Variants in MYO5B observed in about 807,000 individuals in gnomAD.
MYO5B encodes myosin VB, also known as unconventional myosin-Vb.
Under a neutral mutation model 229.3 loss-of-function variants are expected in MYO5B, and 143 were observed. That is an observed-to-expected ratio of 0.62 (90% CI 0.54 to 0.72). The LOEUF (loss-of-function observed/expected upper bound fraction) is 0.72. Among genes scored for constraint, MYO5B ranks in the 30% least tolerant of loss-of-function variants. The pLI is 0.00. For missense variants in MYO5B, 2,321 were observed against 2,331.0 expected, an observed-to-expected ratio of 1.00 and a Z score of 0.09; for synonymous variants, 918 against 885.2, an observed-to-expected ratio of 1.04 and a Z score of -0.66.
In MYO5B at chr18:50,105,244, TAAATAAAA is replaced by T. The variant is rs780865161; in HGVS notation, c.28-49874_28-49867del. Among the ~76,000 whole-genome samples, 1,062 of 129,564 alleles carry T rather than the reference TAAATAAAA, an allele frequency of 8.2e-3. 8 individuals carry two copies. Among genetic ancestry groups the T allele is most frequent in the African/African-American group, 0.026 (904 of 34,386 alleles). The allele number at this position is 129,564 out of a possible 152,430, so 85.0% of individuals were successfully genotyped here. Reference sequence around the variant, plus strand: ...ATAAATAAATAAATAAATAAATAAATAAATAAAAAATAGATAAAATAGCTGCTGATGCT... The same window carrying T: ...ATAAATAAATAAATAAATAAATAAATAATAGATAAAATAGCTGCTGATGCT... On this transcript the variant is annotated intron_variant, in intron 1 of 39. Coordinates refer to ENST00000285039, the MANE Select transcript of MYO5B (RefSeq NM_001080467.3).
chr18:50,093,584 T>C (rs925219913), intron 1 of MYO5B, among the ~76,000 whole-genome samples: 1 of 151,978 alleles, frequency 6.6e-6, no homozygotes, highest in Non-Finnish European at 1.5e-5. Flanking sequence ...CCCAGGAAGT[T>C]AGGCATCCAA....
In MYO5B at chr18:49,856,889, T is replaced by C. The variant is rs1357540161; in HGVS notation, c.3946A>G (p.Lys1316Glu). Reference sequence around the variant, plus strand: ...TTTAAATATCCCCAATCCTCAGTCTTGCTAGAAACAAAGGACAGAAAAACA... The same window carrying C: ...TTTAAATATCCCCAATCCTCAGTCTCGCTAGAAACAAAGGACAGAAAAACA... ...AYHGVCQTNS[K>E]TEDWGYLNED... is the part of the protein sequence containing the mutation. Residue 1316 changes from lysine (K) to glutamate (E), a missense_variant and splice_region_variant, in exon 30 of 40, where the codon AAG becomes GAG. This residue lies in a region of MYO5B where 2,113 missense variants were observed against 2,044.7 expected (regional missense o/e 1.03). Transcript: ENST00000285039. 1.9e-6 allele frequency: 3 copies of C among 1,613,810 alleles called. No individual in the cohort carries two copies. Among genetic ancestry groups the C allele is most frequent in the Admixed American group, 1.7e-5 (1 of 60,032 alleles).
chr18:49,953,279 T>G lies in MYO5B; in HGVS notation c.1733A>C (p.Asn578Thr), dbSNP rs778745198. The stretch of plus-strand genomic sequence containing the variant: ...CTTTACCTTGCTGGCCTTCAGGATA[T>G]TGATCTGCTCTTCATACACCGTGTC... ...NRDTVYEEQI[N>T]ILKASKFPLV... Residue 578 changes from asparagine to threonine, a missense_variant, in exon 14 of 40, where the codon AAT becomes ACT. Coordinates refer to ENST00000285039, the MANE Select transcript of MYO5B (RefSeq NM_001080467.3). 9 of 1,614,080 alleles carry G rather than the reference T, an allele frequency of 5.6e-6. No individual in the cohort carries two copies. The African/African-American group carries it at 1.1e-4, about 19-fold the overall frequency.
At chr18:50,012,225 A>G (rs573907474) in intron 4 of MYO5B, among the ~76,000 whole-genome samples, 1 of 152,340 alleles carries the variant, frequency 6.6e-6, no homozygotes, top group East Asian at 1.9e-4. Flanking sequence ...AAGCACTGCT[A>G]CAGACTCAGC....
intron 22 of MYO5B, among the ~76,000 whole-genome samples, chr18:49,894,052 G>T (rs1373633884): frequency 1.3e-5 from 2 of 152,182 alleles, no homozygotes; most frequent in East Asian, 3.9e-4. Flanking sequence ...TTCTGCACAT[G>T]CTTGGGAATG....
chr18:49,864,234 G>A lies in MYO5B; in HGVS notation c.3750C>T (p.Ala1250=), dbSNP rs2024367920. 1 of 1,614,080 alleles carries A rather than the reference G, an allele frequency of 6.2e-7. No homozygotes were observed. Among genetic ancestry groups the A allele is most frequent in the Non-Finnish European group, 8.5e-7 (1 of 1,180,054 alleles). ...YSLLLNQLKL[A]HEELEVRKEE... is the part of the protein sequence containing the mutation. ...CCTTGCGCACCTCGAGCTCCTCGTG[G>A]GCCAGCTTGAGCTGGTTCAGCAGGA... The change falls in exon 28 of 40, where the codon GCC becomes GCT. Residue 1250 remains alanine (A), a synonymous_variant. Transcript: ENST00000285039.
rs949724432 is a variant in MYO5B at position 49,825,864 on chromosome 18, T to G, written c.*607A>C. The G allele has an allele frequency of 2.6e-5, 4 of 154,160 alleles. No homozygotes were observed. The highest frequency in any genetic ancestry group is 9.7e-5 in the African/African-American group (4 of 41,450). 9.5% of individuals were successfully genotyped at this position (154,160 alleles called of 1,614,324 possible). A position where few individuals can be genotyped will look rare whatever the true frequency, so the allele number is the denominator to read the frequency against. ...TTGCTTCAGAAACCAGTACTCAAAA[T>G]GTCTGGTCTGGAGGTCAGTTACACC... On this transcript the variant is annotated 3_prime_UTR_variant, in exon 40 of 40. Transcript: ENST00000285039.
At chr18:49,993,696 C>A (rs1235069819) in intron 5 of MYO5B, among the ~76,000 whole-genome samples, 1 of 152,104 alleles carries the variant, frequency 6.6e-6, no homozygotes, top group Admixed American at 6.5e-5. Flanking sequence ...ATAGCCTTAG[C>A]CTGCAACATT....
intron 1 of MYO5B, among the ~76,000 whole-genome samples, chr18:50,103,849 C>T (rs901434978): frequency 1.3e-5 from 2 of 151,990 alleles, no homozygotes; most frequent in African/African-American, 2.4e-5. Context: ...AATAATTTGC[C>T]GTCAAGCACA....
chr18:49,934,672 G>A (rs1367826533), intron 16 of MYO5B, among the ~76,000 whole-genome samples: 2 of 152,164 alleles, frequency 1.3e-5, no homozygotes, highest in African/African-American at 2.4e-5. Flanking sequence ...GGAGTCAGCT[G>A]GTAAACAGAA....
intron 1 of MYO5B, among the ~76,000 whole-genome samples, chr18:50,118,310 C>T (rs1009564201): frequency 2.8e-4 from 43 of 152,292 alleles, no homozygotes; most frequent in African/African-American, 1.0e-3. Context: ...TTAGATAGGA[C>T]CGCATGTGTC....
chr18:50,160,200 C>T (rs1292496985), intron 1 of MYO5B, among the ~76,000 whole-genome samples: 2 of 152,238 alleles, frequency 1.3e-5, no homozygotes, highest in African/African-American at 2.4e-5. Context: ...ATGACCCTAA[C>T]GTAGGGTCAG....
intron 1 of MYO5B, among the ~76,000 whole-genome samples, chr18:50,129,590 T>C (rs190169479): frequency 2.1e-3 from 324 of 152,328 alleles, no homozygotes; most frequent in Middle Eastern, 3.4e-3. Context: ...CTTTCTGTAG[T>C]AACTTCTTTA....
chr18:50,007,486 T>G (rs1045378269), intron 4 of MYO5B, among the ~76,000 whole-genome samples: 2 of 152,222 alleles, frequency 1.3e-5, no homozygotes, highest in African/African-American at 2.4e-5. Flanking sequence ...CATCGGACCA[T>G]TCTTCTCCCT....
chr18:50,118,271 C>T (rs1318440878), intron 1 of MYO5B, among the ~76,000 whole-genome samples: 1 of 152,174 alleles, frequency 6.6e-6, no homozygotes, highest in Non-Finnish European at 1.5e-5. Context: ...ACCAGCAGAC[C>T]TATGGCTGCC....
intron 22 of MYO5B, among the ~76,000 whole-genome samples, chr18:49,887,529 G>A (rs1227094691): frequency 1.3e-5 from 2 of 152,054 alleles, no homozygotes; most frequent in South Asian, 2.1e-4. Context: ...TCCCACTATC[G>A]CCATGTGATG....
At chr18:50,145,497 CAAAAAAAAAAAAAAAAAAAAAA>C (rs369507800) in intron 1 of MYO5B, among the ~76,000 whole-genome samples, 37 of 70,012 alleles carry the variant, frequency 5.3e-4, no homozygotes, top group East Asian at 2.9e-3. Context: ...GACTCCATCT[CAAAAAAAAAAAAAAAAAAAAAA>C]AAAAAAAAAA....
intron 34 of MYO5B, among the ~76,000 whole-genome samples, chr18:49,841,958 G>T (rs538115969): frequency 6.6e-6 from 1 of 152,262 alleles, no homozygotes; most frequent in Non-Finnish European, 1.5e-5. Flanking sequence ...ACCCTAACTA[G>T]GTGAAAAAGC....
At chr18:49,930,930 G>C (rs1213139001) in intron 16 of MYO5B, among the ~76,000 whole-genome samples, 3 of 151,126 alleles carry the variant, frequency 2.0e-5, no homozygotes, top group Non-Finnish European at 4.4e-5. Flanking sequence ...AGAAGGCAGA[G>C]AGCAAGACAT....
Sources: gnomAD v4.1 joint callset for allele counts (sites outside exome capture counted in the v4.1 genomes callset) on GRCh38, gnomAD v4.1.1 for gene constraint, gnomAD v4.1.1 regional missense constraint, MANE v1.5 for transcripts, NCBI Gene and HGNC (gene_info 2026-07-23, HGNC 2026-07-21) for gene names.